FER1L6: variants seen among roughly 807,000 people sequenced by gnomAD.
The protein encoded by FER1L6 is fer-1-like protein 6.
Under a neutral mutation model 219.2 loss-of-function variants are expected in FER1L6, and 177 were observed. That is an observed-to-expected ratio of 0.81 (90% CI 0.71 to 0.91). The LOEUF is 0.91. FER1L6 is among the 40% of genes least tolerant of loss of function. FER1L6 has a pLI of 0.00. For synonymous variants in FER1L6, 768 were observed against 824.3 expected (o/e 0.93, Z 1.17); for missense variants, 2,153 against 2,259.9 (o/e 0.95, Z 0.96).
chr8:123,935,313 G>C (rs565225050), intron 1 of FER1L6, among the ~76,000 whole-genome samples: 6 of 152,136 alleles, frequency 3.9e-5, no homozygotes, highest in Non-Finnish European at 5.9e-5. Context: ...AGCCCCTTCT[G>C]TTTGGCTATG....
chr8:124,119,030 A>G (rs1823370422), intron 40 of FER1L6, 86 bp downstream of exon 40: 1 of 1,126,008 alleles, frequency 8.9e-7, no homozygotes, highest in African/African-American at 1.5e-5. Flanking sequence ...ATTTCTTTAG[A>G]GCAGCCCTGT....
In FER1L6 at chr8:123,852,805, A is replaced by G. The variant is rs1332756838; in HGVS notation, c.-8+620A>G. 6.6e-6 allele frequency among the ~76,000 whole-genome samples: 1 copy of G among 152,154 alleles called. No individual in the cohort carries two copies. The highest frequency in any genetic ancestry group is 1.5e-5 in the Non-Finnish European group (1 of 68,034). On this transcript the variant is annotated intron_variant, in intron 1 of 40. Coordinates refer to ENST00000522917, the MANE Select transcript of FER1L6 (RefSeq NM_001039112.2). This position sits in a 1 kb window ranked among gnomAD's most constrained non-coding sequence, Gnocchi z 4.9. ...GCAGCATTACTATTAACTAAGCTCCACGCTTTATTTGGATTTCACAAGTTT... is the reference window on the plus strand; with the variant it reads ...GCAGCATTACTATTAACTAAGCTCCGCGCTTTATTTGGATTTCACAAGTTT...
chr8:123,917,702 T>C (rs1813229133), intron 1 of FER1L6, among the ~76,000 whole-genome samples: 1 of 152,150 alleles, frequency 6.6e-6, no homozygotes, highest in Admixed American at 6.5e-5. Flanking sequence ...CAGAGAGAAA[T>C]ACTTATTTTT....
intron 24 of FER1L6, among the ~76,000 whole-genome samples, chr8:124,061,192 G>T (rs1463064210): frequency 1.3e-5 from 2 of 152,166 alleles, no homozygotes; most frequent in Non-Finnish European, 2.9e-5. Flanking sequence ...AGAATGTCAG[G>T]AGTTTACATG....
In FER1L6 at chr8:123,998,373, ACTCTCTCTCTCTCTCTCTCTCT is replaced by A. The variant is rs746709688; in HGVS notation, c.1520-4763_1520-4742del. ...CTTAGTTTCCCTCAAAAAGAGGGAA[ACTCTCTCTCTCTCTCTCTCTCT>A]CTCTCTCTCTCTCTCTCTCTCTCTC... On this transcript the variant is annotated intron_variant, in intron 12 of 40. Transcript: ENST00000522917. 2.7e-3 allele frequency among the ~76,000 whole-genome samples: 87 copies of A among 32,476 alleles called. 1 individual carries two copies. The South Asian group carries it at 0.038, about 14-fold the overall frequency. The allele number at this position is 32,476 out of a possible 152,430, so 21.3% of individuals were successfully genotyped here. A position where few individuals can be genotyped will look rare whatever the true frequency, so the allele number is the denominator to read the frequency against.
chr8:123,977,705 C>A, intron 10 of FER1L6, 96 bp downstream of exon 10: 1 of 1,102,618 alleles, frequency 9.1e-7, no homozygotes, highest in African/African-American at 1.6e-5. Flanking sequence ...CAGTCCCCAG[C>A]CTTTCTGGCA....
intron 34 of FER1L6, among the ~76,000 whole-genome samples, chr8:124,093,041 C>G (rs1467877493): frequency 2.6e-5 from 4 of 152,004 alleles, no homozygotes; most frequent in Non-Finnish European, 5.9e-5. Context: ...CCAGGCTGGT[C>G]TTGAACTCCT....
At chr8:124,055,964 A>G (rs926229713) in intron 22 of FER1L6, among the ~76,000 whole-genome samples, 1 of 151,430 alleles carries the variant, frequency 6.6e-6, no homozygotes, top group African/African-American at 2.4e-5. Context: ...TCTCTCTCTC[A>G]TTGTCTCTTT....
chr8:123,889,069 T>C (rs1817255987), intron 1 of FER1L6, among the ~76,000 whole-genome samples: 1 of 152,184 alleles, frequency 6.6e-6, no homozygotes, highest in South Asian at 2.1e-4. Context: ...AATTATGAGA[T>C]ATCAGGGTTT....
intron 15 of FER1L6, 103 bp downstream of exon 15, chr8:124,013,634 T>A (rs554996124): frequency 2.8e-5 from 18 of 651,050 alleles, no homozygotes; most frequent in African/African-American, 1.9e-5. Flanking sequence ...CAAATGGGTG[T>A]TTTAGAGTGC....
chr8:124,002,193 A>C (rs949750627), intron 12 of FER1L6, among the ~76,000 whole-genome samples: 39 of 152,188 alleles, frequency 2.6e-4, no homozygotes, highest in Non-Finnish European at 4.9e-4. Flanking sequence ...CATTAGTAGA[A>C]GGCAATTCTG....
intron 1 of FER1L6, among the ~76,000 whole-genome samples, chr8:123,936,462 GTTTTTTTTTTTTTT>G (rs779012175): frequency 4.1e-5 from 4 of 97,928 alleles, no homozygotes; most frequent in Admixed American, 1.2e-4. Context: ...ATTGCAGCCT[GTTTTTTTTTTTTTT>G]TTTTTTTTTT....
At chr8:123,915,083 AT>A (rs1175698381) in intron 1 of FER1L6, among the ~76,000 whole-genome samples, 5 of 130,772 alleles carry the variant, frequency 3.8e-5, no homozygotes, top group African/African-American at 1.4e-4. Context: ...GCCTTTCCTT[AT>A]TTAATTGCAC....
chr8:124,118,920 A>T lies in FER1L6; in HGVS notation c.5366A>T (p.Glu1789Val). ...EKNPVGKARK[E>V]PEPLAKPNRP... ...AATCCTGTTGGAAAAGCCCGAAAGG[A>T]GCCAGAGCCCCTGGCCAAGCCCAAG... The change falls in exon 40 of 41, where the codon GAG becomes GTG. Residue 1789 changes from glutamate to valine, a missense_variant. Transcript: ENST00000522917. 6.2e-7 allele frequency: 1 copy of T among 1,613,770 alleles called. No homozygotes were observed. The highest frequency in any genetic ancestry group is 8.5e-7 in the Non-Finnish European group (1 of 1,179,872).
At chr8:123,865,914 G>A (rs1816828853) in intron 1 of FER1L6, among the ~76,000 whole-genome samples, 1 of 151,372 alleles carries the variant, frequency 6.6e-6, no homozygotes, top group East Asian at 1.9e-4. Flanking sequence ...CGGTACCTCA[G>A]ATGGAAATGC....
intron 1 of FER1L6, among the ~76,000 whole-genome samples, chr8:123,921,193 A>G (rs1813351620): frequency 6.6e-6 from 1 of 152,080 alleles, no homozygotes; most frequent in Non-Finnish European, 1.5e-5. Context: ...ATTCTTTTGG[A>G]TATATACCCA....
chr8:123,938,541 ATTTTTTT>A (rs11301898), intron 1 of FER1L6, among the ~76,000 whole-genome samples: 4 of 93,668 alleles, frequency 4.3e-5, no homozygotes, highest in African/African-American at 1.7e-4. Flanking sequence ...TTTACCTGAA[ATTTTTTT>A]TTTTTTTTTT....
At chr8:124,045,640 TTGAA>T (rs1819692374) in intron 20 of FER1L6, 123 bp from the exon 21 acceptor site, 2 of 1,039,102 alleles carry the variant, frequency 1.9e-6, no homozygotes, top group Non-Finnish European at 1.4e-6. Context: ...CACTTGAATA[TTGAA>T]TGGTGAGCAA....
At chr8:123,875,564 T>C (rs59864564) in intron 1 of FER1L6, among the ~76,000 whole-genome samples, 76,528 of 151,992 alleles carry the variant, frequency 0.5, 19,737 homozygotes, top group Middle Eastern at 0.58. Flanking sequence ...TTTATATCTG[T>C]ACCCTGGGCC....
Sources: allele counts gnomAD v4.1 joint callset (sites outside exome capture counted in the v4.1 genomes callset), GRCh38; gene constraint gnomAD v4.1.1; non-coding constraint Gnocchi (gnomAD v3.1); transcripts MANE v1.5; gene names NCBI Gene and HGNC (gene_info 2026-07-23, HGNC 2026-07-21).